Variants in CAPZA2 observed in about 807,000 individuals in gnomAD.
CAPZA2 encodes capping actin protein of muscle Z-line subunit alpha 2.
A neutral mutation model predicts 44.0 loss-of-function variants in CAPZA2; 13 were observed. The ratio of observed to expected loss-of-function variants is 0.30; its 90% CI spans 0.19 to 0.47. CAPZA2 has a LOEUF of 0.47. Among genes scored for constraint, CAPZA2 ranks in the 20% least tolerant of loss-of-function variants. The pLI is 1.00. For missense variants in CAPZA2, 244 were observed against 338.6 expected, an observed-to-expected ratio of 0.72 and a Z score of 2.19; for synonymous variants, 94 against 108.2, an observed-to-expected ratio of 0.87 and a Z score of 0.81.
At chr7:116,908,928 G>GT (rs1562963366) in intron 6 of CAPZA2, among the ~76,000 whole-genome samples, 6 of 152,084 alleles carry the variant, frequency 3.9e-5, no homozygotes. Context: ...CAGTGTAACT[G>GT]TAAGTATGAG....
intron 1 of CAPZA2, among the ~76,000 whole-genome samples, chr7:116,871,125 T>TA (rs952889124): frequency 5.3e-5 from 8 of 152,130 alleles, no homozygotes; most frequent in Non-Finnish European, 1.0e-4. Context: ...ACAAAAAGCT[T>TA]AGACATGGGA....
intron 4 of CAPZA2, among the ~76,000 whole-genome samples, chr7:116,901,353 T>C (rs1796991953): frequency 6.6e-6 from 1 of 152,188 alleles, no homozygotes; most frequent in South Asian, 2.1e-4. Context: ...TTATGTCCTT[T>C]GCAAGAACAT....
intron 9 of CAPZA2, among the ~76,000 whole-genome samples, 178 bp from the exon 10 acceptor site, chr7:116,917,549 G>A (rs12671828): frequency 0.2 from 30,523 of 152,120 alleles, 3,553 homozygotes; most frequent in East Asian, 0.4. Context: ...GAGCCACCGC[G>A]CCCGGCTCTT....
At chr7:116,903,570 G>A (rs1337147862) in intron 4 of CAPZA2, among the ~76,000 whole-genome samples, 3 of 152,096 alleles carry the variant, frequency 2.0e-5, no homozygotes, top group Admixed American at 2.0e-4. Flanking sequence ...TTTAAATAAA[G>A]CACAAAATAT....
chr7:116,913,169 G>C (rs1244046320), intron 8 of CAPZA2, among the ~76,000 whole-genome samples: 1 of 152,042 alleles, frequency 6.6e-6, no homozygotes, highest in Non-Finnish European at 1.5e-5. Flanking sequence ...ATATATTCTG[G>C]ATACAAGTCC....
chr7:116,899,758 A>G (rs1053540243), intron 4 of CAPZA2, among the ~76,000 whole-genome samples: 6 of 151,210 alleles, frequency 4.0e-5, no homozygotes, highest in African/African-American at 1.5e-4. Context: ...AAATTGCTAT[A>G]AGAAAATTTG....
At chr7:116,914,621 C>T (rs1010822406) in intron 8 of CAPZA2, among the ~76,000 whole-genome samples, 1 of 152,042 alleles carries the variant, frequency 6.6e-6, no homozygotes, top group African/African-American at 2.4e-5. Flanking sequence ...GCCACCATGC[C>T]CAGCTAATTT....
chr7:116,862,723 G>C (rs1796432780), intron 1 of CAPZA2, 73 bp downstream of exon 1: 2 of 1,469,588 alleles, frequency 1.4e-6, no homozygotes, highest in African/African-American at 2.9e-5. Context: ...CCGGAGTCTG[G>C]TCGCGGGGGA....
At chr7:116,887,577 A>T (rs1352578460) in intron 1 of CAPZA2, among the ~76,000 whole-genome samples, 1 of 152,202 alleles carries the variant, frequency 6.6e-6, no homozygotes, top group Non-Finnish European at 1.5e-5. Flanking sequence ...CACACCTGTA[A>T]TCCCAGCACT....
intron 4 of CAPZA2, 28 bp downstream of exon 4, chr7:116,898,863 G>C: frequency 7.4e-7 from 1 of 1,349,246 alleles, no homozygotes; most frequent in African/African-American, 1.4e-5. Flanking sequence ...ACTATTCTTT[G>C]TTTTGTTTAT....
rs2116000746 is a variant in CAPZA2, at chr7:116,921,884, GAAGT to G, written c.*4021_*4024del. On this transcript the variant is annotated 3_prime_UTR_variant, in exon 10 of 10. Transcript: ENST00000361183. ...GACATTAAAATCAAGAATTCTGATA[GAAGT>G]AAGAGTTCTGGCATGAGTGGTGCTT... The G allele has an allele frequency of 6.6e-6, 1 of 152,322 alleles. No individual in the cohort carries two copies. The highest frequency in any genetic ancestry group is 2.4e-5 in the African/African-American group (1 of 41,574). 9.4% of individuals were successfully genotyped at this position (152,322 alleles called of 1,614,324 possible).
At chr7:116,898,737 A>G (rs2115945843) in intron 3 of CAPZA2, 35 bp from the exon 4 acceptor site, 4 of 1,400,740 alleles carry the variant, frequency 2.9e-6, no homozygotes, top group East Asian at 4.6e-5. Context: ...CATTAAATAT[A>G]TAATTTTAAG....
chr7:116,866,241 G>C (rs935394075), intron 1 of CAPZA2, among the ~76,000 whole-genome samples: 1 of 148,186 alleles, frequency 6.7e-6, no homozygotes, highest in Non-Finnish European at 1.5e-5. Flanking sequence ...GCGGTATCTC[G>C]GCTCACTGCA....
At position 116,862,587 on chromosome 7, in the gene CAPZA2, G is replaced by T; in HGVS notation, c.-25G>T. 6.5e-7 allele frequency: 1 copy of T among 1,535,398 alleles called. No individual in the cohort carries two copies. The highest frequency in any genetic ancestry group is 8.8e-7 in the Non-Finnish European group (1 of 1,140,266). On this transcript the variant is annotated 5_prime_UTR_variant, in exon 1 of 10. Transcript: ENST00000361183. ...TCAGGTGGCCGCTGCCGCCGCCGCC[G>T]CCGCGGTTTGTCGCCAGAAGGAAGA...
In CAPZA2 at chr7:116,870,741, G is replaced by A. The variant is rs117011998; in HGVS notation, c.39+8091G>A. On this transcript the variant is annotated intron_variant, in intron 1 of 9. Coordinates refer to ENST00000361183, the MANE Select transcript of CAPZA2 (RefSeq NM_006136.3). ...GGACTTTAGGACCTGGTTTAAGTTC[G>A]TCCCACAAGAAATGGAGGAAAAAAA... Among the ~76,000 whole-genome samples the A allele has an allele frequency of 1.2e-4, 19 of 152,218 alleles. No homozygotes were observed. The East Asian group carries it at 2.9e-3, about 23-fold the overall frequency.
chr7:116,864,646 G>GGGAGGA (rs746428167), intron 1 of CAPZA2, among the ~76,000 whole-genome samples: 20 of 152,074 alleles, frequency 1.3e-4, no homozygotes, highest in Non-Finnish European at 2.2e-4. Context: ...TTCATTTTGG[G>GGGAGGA]GGAGGAGGAT....
At chr7:116,878,551 G>A (rs1333324111) in intron 1 of CAPZA2, among the ~76,000 whole-genome samples, 1 of 152,092 alleles carries the variant, frequency 6.6e-6, no homozygotes, top group Non-Finnish European at 1.5e-5. Context: ...ACAAAATCTT[G>A]GCTACAGATC....
At position 116,912,200 on chromosome 7, in the gene CAPZA2, T is replaced by C. The variant is rs1375572336; in HGVS notation, c.657+60T>C. The stretch of plus-strand genomic sequence containing the variant: ...ATACTTCTGTAAAACCAGAACAGTT[T>C]TGGAATGAACATTTTAAGTAATATT... On this transcript the variant is annotated intron_variant, in intron 8 of 9. Coordinates refer to ENST00000361183, the MANE Select transcript of CAPZA2 (RefSeq NM_006136.3). 6.9e-6 allele frequency: 11 copies of C among 1,588,804 alleles called. No homozygotes were observed. The Admixed American group carries it at 2.0e-4, about 29-fold the overall frequency.
intron 5 of CAPZA2, chr7:116,904,680 G>T: frequency 4.3e-6 from 1 of 230,886 alleles, no homozygotes; most frequent in Non-Finnish European, 8.3e-6. Context: ...TTCATGACTC[G>T]TCTCAGTTTA....
Sources: gnomAD v4.1 joint callset for allele counts (sites outside exome capture counted in the v4.1 genomes callset) on GRCh38, gnomAD v4.1.1 for gene constraint, MANE v1.5 for transcripts, NCBI Gene and HGNC (gene_info 2026-07-23, HGNC 2026-07-21) for gene names.